EIF3B: variants seen among roughly 807,000 people sequenced by gnomAD.
EIF3B encodes eukaryotic translation initiation factor 3 subunit B, also known as eukaryotic translation initiation factor 3 subunit 9.
Under a neutral mutation model 104.6 loss-of-function variants are expected in EIF3B, and 10 were observed. That is an observed-to-expected ratio of 0.10 (90% CI 0.06 to 0.16). The LOEUF is 0.16. Ranked by LOEUF, EIF3B falls within the 10% of genes least tolerant of loss-of-function variation. EIF3B has a pLI of 1.00. For synonymous variants in EIF3B, 542 were observed against 417.2 expected, an observed-to-expected ratio of 1.30 and a Z score of -3.65; for missense variants, 1,014 against 1,087.9, an observed-to-expected ratio of 0.93 and a Z score of 0.96.
At chr7:2,372,554 A>G in intron 11 of EIF3B, 119 bp from the exon 12 acceptor site, 1 of 1,311,940 alleles carries the variant, frequency 7.6e-7, no homozygotes, top group Non-Finnish European at 1.0e-6. Context: ...CGTCCTTTTA[A>G]TGAACTTTTA....
In EIF3B at chr7:2,363,125, C is replaced by T. The variant is rs763806888; in HGVS notation, c.868C>T (p.Leu290=). 15 of 1,613,814 alleles carry T rather than the reference C, an allele frequency of 9.3e-6. No homozygotes were observed. The highest frequency in any genetic ancestry group is 2.2e-5 in the East Asian group (1 of 44,896). ...DIPEKQPFKD[L]GNLRYWLEEA... is the part of the protein sequence containing the mutation. Reference sequence around the variant, plus strand: ...TCCAGAGAAACAGCCTTTCAAAGACCTGGTGAGTGGCCTGAAACCTACATC... The same window carrying T: ...TCCAGAGAAACAGCCTTTCAAAGACTTGGTGAGTGGCCTGAAACCTACATC... The change falls in exon 4 of 19, where the codon CTG becomes TTG. Residue 290 remains leucine, a splice_region_variant and synonymous_variant. Transcript: ENST00000360876.
intron 12 of EIF3B, chr7:2,373,541 C>G (rs149904175): frequency 6.6e-6 from 1 of 152,196 alleles, no homozygotes; most frequent in Non-Finnish European, 1.5e-5. Flanking sequence ...CCGCACCTTT[C>G]GCAGCATGAT....
At chr7:2,372,912 GC>G in intron 12 of EIF3B, 117 bp downstream of exon 12, 1 of 1,180,054 alleles carries the variant, frequency 8.5e-7, no homozygotes, top group South Asian at 2.0e-5. Context: ...GCCGGGACTC[GC>G]CTATGAATGG....
intron 10 of EIF3B, among the ~76,000 whole-genome samples, chr7:2,371,204 C>T (rs1780322746): frequency 6.6e-6 from 1 of 152,266 alleles, no homozygotes; most frequent in African/African-American, 2.4e-5. Flanking sequence ...GGATACTATG[C>T]CACCTTCTGT....
chr7:2,364,911 A>G (rs1391647523), intron 6 of EIF3B, among the ~76,000 whole-genome samples: 3 of 152,212 alleles, frequency 2.0e-5, no homozygotes, highest in African/African-American at 7.2e-5. Context: ...GTTCTGTATA[A>G]TACTTACTTT....
chr7:2,365,817 A>G (rs1419438571), intron 6 of EIF3B, among the ~76,000 whole-genome samples: 3 of 151,862 alleles, frequency 2.0e-5, no homozygotes, highest in Non-Finnish European at 4.4e-5. Flanking sequence ...CTGGGATTAC[A>G]AGTGCCTGCC....
At position 2,369,532 on chromosome 7, in the gene EIF3B, T is replaced by C. The variant is rs1376841402; in HGVS notation, c.1464T>C (p.Asp488=). 1 of 1,614,214 alleles carries C rather than the reference T, an allele frequency of 6.2e-7. No individual in the cohort carries two copies. Among genetic ancestry groups the C allele is most frequent in the South Asian group, 1.1e-5 (1 of 91,084 alleles). The part of the protein sequence containing the change: ...IIAFWVPEDK[D]IPARVTLMQL... ...CCTTCTGGGTGCCTGAAGACAAAGA[T>C]ATTCCAGCCAGGGTAACCCTGATGC... The change falls in exon 10 of 19, where the codon GAT becomes GAC. Residue 488 remains aspartate, a synonymous_variant. Coordinates refer to ENST00000360876, the MANE Select transcript of EIF3B (RefSeq NM_001037283.2).
intron 13 of EIF3B, 162 bp from the exon 14 acceptor site, chr7:2,375,227 T>C: frequency 1.4e-6 from 1 of 737,042 alleles, no homozygotes; most frequent in Non-Finnish European, 2.3e-6. Context: ...ATCTGTGATT[T>C]GGTAAGTCTC....
chr7:2,372,185 G>A, intron 11 of EIF3B: 1 of 286,478 alleles, frequency 3.5e-6, no homozygotes, highest in Non-Finnish European at 6.6e-6. Flanking sequence ...CAGCCTGGGT[G>A]ACGGAGCAAG....
intron 1 of EIF3B, among the ~76,000 whole-genome samples, chr7:2,357,677 C>T (rs756252996): frequency 1.3e-5 from 2 of 152,140 alleles, no homozygotes; most frequent in Non-Finnish European, 2.9e-5. Context: ...GAATTGTTCT[C>T]TTCTGTTTTT....
intron 10 of EIF3B, among the ~76,000 whole-genome samples, chr7:2,370,177 C>T (rs1052272209): frequency 6.6e-6 from 1 of 151,366 alleles, no homozygotes; most frequent in African/African-American, 2.4e-5. Context: ...TTTATTTTAT[C>T]AAAAAATTGC....
At position 2,366,995 on chromosome 7, in the gene EIF3B, G is replaced by T. The variant is rs561352569; in HGVS notation, c.1357-4G>T. The T allele has an allele frequency of 6.2e-7, 1 of 1,609,638 alleles. No individual in the cohort carries two copies. Among genetic ancestry groups the T allele is most frequent in the East Asian group, 2.2e-5 (1 of 44,842 alleles). ...CAACTGCAGCCTTCCTTTTTTTTGG[G>T]CAGTCTATGGGTCTTTTGGACAAGA... is the stretch of plus-strand genomic sequence containing the variant. On this transcript the variant is annotated splice_polypyrimidine_tract_variant and splice_region_variant and intron_variant, in intron 8 of 18. Transcript: ENST00000360876.
intron 9 of EIF3B, among the ~76,000 whole-genome samples, chr7:2,368,724 G>A (rs1780162176): frequency 6.6e-6 from 1 of 152,256 alleles, no homozygotes; most frequent in African/African-American, 2.4e-5. Context: ...ATCCGAGGCA[G>A]GGTTTGGGGA....
intron 2 of EIF3B, among the ~76,000 whole-genome samples, chr7:2,361,683 T>G (rs1268966971): frequency 6.6e-6 from 1 of 152,184 alleles, no homozygotes; most frequent in East Asian, 1.9e-4. Context: ...CCTCCCAAAG[T>G]GCTGGGATTA....
At chr7:2,373,156 CT>C in intron 12 of EIF3B, 1 of 174,510 alleles carries the variant, frequency 5.7e-6, no homozygotes, top group Non-Finnish European at 1.2e-5. Context: ...GGTCAGGTGC[CT>C]TTGACCAGGG....
At chr7:2,372,938 T>C in intron 12 of EIF3B, 143 bp downstream of exon 12, 1 of 852,656 alleles carries the variant, frequency 1.2e-6, no homozygotes, top group Non-Finnish European at 1.6e-6. Flanking sequence ...TGGCCTCGGC[T>C]GATGGAAGTG....
rs374756115 is a variant in EIF3B at position 2,364,014 on chromosome 7, CA to C, written c.999+255del. 1.3e-3 allele frequency among the ~76,000 whole-genome samples: 191 copies of C among 152,354 alleles called. 4 individuals are homozygous for C. In the South Asian group the frequency reaches 0.02, roughly 16 times the overall value. ...CGGTGGCTCACGCCTGTAATCCCAG[CA>C]CTTTGGGAGGCCAAGGTGGGTGGAT... On this transcript the variant is annotated intron_variant, in intron 5 of 18. Transcript: ENST00000360876.
intron 9 of EIF3B, 196 bp downstream of exon 9, chr7:2,367,241 T>C (rs1780072950): frequency 5.5e-6 from 3 of 546,904 alleles, no homozygotes; most frequent in Non-Finnish European, 9.6e-6. Context: ...TCCCTCCTAG[T>C]GGACAGCCCC....
At chr7:2,372,281 G>T in intron 11 of EIF3B, 2 of 230,214 alleles carry the variant, frequency 8.7e-6, no homozygotes, top group Non-Finnish European at 1.7e-5. Flanking sequence ...GAGGAAGGAA[G>T]GGTTAAAAAT....
Sources: allele counts gnomAD v4.1 joint callset (sites outside exome capture counted in the v4.1 genomes callset), GRCh38; gene constraint gnomAD v4.1.1; transcripts MANE v1.5; gene names NCBI Gene and HGNC (gene_info 2026-07-23, HGNC 2026-07-21).